The following SCN8A variants were observed in gnomAD, a reference collection of about 807,000 sequenced individuals.
SCN8A encodes sodium channel protein type 8 subunit alpha.
In SCN8A, 30 loss-of-function variants were observed where a neutral mutation model predicts 184.1. That is an observed-to-expected ratio of 0.16 (90% confidence interval 0.12 to 0.22). SCN8A has a LOEUF of 0.22. Ranked by LOEUF, SCN8A falls within the 10% of genes least tolerant of loss-of-function variation. SCN8A has a pLI of 1.00. For synonymous variants in SCN8A, 852 were observed against 907.0 expected (o/e 0.94, Z 1.09); for missense variants, 1,057 against 2,498.9 (o/e 0.42, Z 12.30).
intron 11 of SCN8A, among the ~76,000 whole-genome samples, chr12:51,719,937 G>A (rs1392112877): frequency 2.6e-5 from 4 of 151,798 alleles, no homozygotes; most frequent in African/African-American, 4.8e-5. Context: ...TTAGCCGGGC[G>A]TGGTAGCGGG....
At chr12:51,665,627 T>C (rs1352844082) in intron 2 of SCN8A, among the ~76,000 whole-genome samples, 1 of 152,220 alleles carries the variant, frequency 6.6e-6, no homozygotes, top group Non-Finnish European at 1.5e-5. Flanking sequence ...CCAGCAGTGC[T>C]GATACTTCTA....
intron 1 of SCN8A, among the ~76,000 whole-genome samples, chr12:51,649,296 T>C (rs1826485): frequency 0.019 from 2,824 of 152,260 alleles, 85 homozygotes; most frequent in African/African-American, 0.064. Context: ...AACAATGCAA[T>C]TGGTCGGTAG....
chr12:51,648,488 C>A lies in SCN8A; in HGVS notation c.-54-14276C>A, dbSNP rs924312154. 2.0e-5 allele frequency among the ~76,000 whole-genome samples: 3 copies of A among 152,284 alleles called. No homozygotes were observed. The South Asian group carries it at 6.2e-4, about 32-fold the overall frequency. ...TTTTACACTGCTGATAAAGACATAC[C>A]TGAGACTGGGAAGAAAAAGAGGTTT... On this transcript the variant is annotated intron_variant, in intron 1 of 26. Coordinates refer to ENST00000627620, the MANE Select transcript of SCN8A (RefSeq NM_001330260.2).
intron 1 of SCN8A, among the ~76,000 whole-genome samples, chr12:51,625,995 A>G (rs1940069480): frequency 6.6e-6 from 1 of 152,166 alleles, no homozygotes; most frequent in Non-Finnish European, 1.5e-5. Flanking sequence ...TATTACTTAC[A>G]TTTCCCAAGA....
At chr12:51,636,463 A>C (rs1940320671) in intron 1 of SCN8A, among the ~76,000 whole-genome samples, 1 of 152,216 alleles carries the variant, frequency 6.6e-6, no homozygotes, top group South Asian at 2.1e-4. Flanking sequence ...TTTATTGACA[A>C]CAAATGTCAT....
At chr12:51,687,952 T>C (rs1378451773) in intron 5 of SCN8A, among the ~76,000 whole-genome samples, 1 of 152,202 alleles carries the variant, frequency 6.6e-6, no homozygotes, top group Non-Finnish European at 1.5e-5. Context: ...ATGCATGATG[T>C]GTAAGAAAGA....
chr12:51,667,667 C>T (rs1024918165), intron 2 of SCN8A, among the ~76,000 whole-genome samples: 9 of 152,172 alleles, frequency 5.9e-5, no homozygotes, highest in African/African-American at 2.2e-4. Flanking sequence ...CATATATACT[C>T]CTAATGACTA....
chr12:51,686,299 A>G (rs1941418295), intron 3 of SCN8A, 69 bp from the exon 4 acceptor site: 2 of 898,636 alleles, frequency 2.2e-6, no homozygotes, highest in Non-Finnish European at 3.6e-6. Flanking sequence ...ACCCAATGGA[A>G]ATGTGTTTGT....
chr12:51,803,239 T>TG (rs1260952872), intron 26 of SCN8A, among the ~76,000 whole-genome samples: 4 of 152,222 alleles, frequency 2.6e-5, no homozygotes, highest in African/African-American at 9.6e-5. Flanking sequence ...CCAAAGAACT[T>TG]GGAGTCTGAT....
At chr12:51,690,300 A>G (rs563388261) in intron 6 of SCN8A, among the ~76,000 whole-genome samples, 4 of 152,264 alleles carry the variant, frequency 2.6e-5, no homozygotes, top group African/African-American at 4.8e-5. Context: ...TTCTTATCCT[A>G]TTCCTATTAC....
intron 1 of SCN8A, among the ~76,000 whole-genome samples, chr12:51,621,395 T>C (rs925435605): frequency 2.0e-5 from 3 of 152,192 alleles, no homozygotes; most frequent in Admixed American, 2.0e-4. Flanking sequence ...AGCCAATGAA[T>C]TCTTAGAGTT....
chr12:51,711,670 T>A (rs1224728132), intron 11 of SCN8A, among the ~76,000 whole-genome samples: 3 of 151,938 alleles, frequency 2.0e-5, no homozygotes, highest in Non-Finnish European at 4.4e-5. Flanking sequence ...ACAACATAGT[T>A]CAGTTATGTG....
At chr12:51,615,576 AT>A (rs1018674028) in intron 1 of SCN8A, among the ~76,000 whole-genome samples, 4 of 152,104 alleles carry the variant, frequency 2.6e-5, no homozygotes, top group East Asian at 3.9e-4. Flanking sequence ...AGAAAAAAAA[AT>A]GTTAGTACCG....
chr12:51,649,393 T>C (rs1940660373), intron 1 of SCN8A, among the ~76,000 whole-genome samples: 1 of 152,176 alleles, frequency 6.6e-6, no homozygotes, highest in South Asian at 2.1e-4. Flanking sequence ...GTCTGAGGGC[T>C]CCAACCCCAC....
intron 26 of SCN8A, among the ~76,000 whole-genome samples, chr12:51,797,165 T>C (rs1321059375): frequency 6.6e-6 from 1 of 152,108 alleles, no homozygotes; most frequent in Non-Finnish European, 1.5e-5. Context: ...GAAATCATAC[T>C]TAATCTCCAA....
intron 12 of SCN8A, among the ~76,000 whole-genome samples, chr12:51,733,499 A>G (rs776506911): frequency 6.6e-6 from 1 of 152,138 alleles, no homozygotes; most frequent in African/African-American, 2.4e-5. Flanking sequence ...TTTTGCATCA[A>G]TATTCATCAG....
rs1245205180 is a variant in SCN8A, at chr12:51,809,403, G to A, written c.*1974G>A. 1.3e-5 allele frequency: 2 copies of A among 152,210 alleles called. No homozygotes were observed. The highest frequency in any genetic ancestry group is 2.9e-5 in the Non-Finnish European group (2 of 68,042). The allele number at this position is 152,210 out of a possible 1,614,324, so 9.4% of individuals were successfully genotyped here. Reference sequence around the variant, plus strand: ...TGCCTTGCAGTAGAAGCACTTTGAAGGTAATTTCACAGTCCACCAGACTAG... The same window carrying A: ...TGCCTTGCAGTAGAAGCACTTTGAAAGTAATTTCACAGTCCACCAGACTAG... On this transcript the variant is annotated 3_prime_UTR_variant, in exon 27 of 27. Coordinates refer to ENST00000627620, the MANE Select transcript of SCN8A (RefSeq NM_001330260.2).
chr12:51,784,400 C>A (rs938623962), intron 21 of SCN8A, among the ~76,000 whole-genome samples: 2 of 151,990 alleles, frequency 1.3e-5, no homozygotes, highest in East Asian at 3.9e-4. Flanking sequence ...ACTAAAAATA[C>A]AAAAATTAGC....
intron 11 of SCN8A, among the ~76,000 whole-genome samples, chr12:51,711,734 T>G (rs1422735964): frequency 3.3e-5 from 5 of 151,898 alleles, no homozygotes; most frequent in African/African-American, 9.7e-5. Flanking sequence ...TTTTAGAAAT[T>G]TTGAGATTTT....
Sources: allele counts gnomAD v4.1 joint callset (sites outside exome capture counted in the v4.1 genomes callset), GRCh38; gene constraint gnomAD v4.1.1; transcripts MANE v1.5; gene names NCBI Gene and HGNC (gene_info 2026-07-23, HGNC 2026-07-21).